Variants in BRWD1 observed in about 807,000 individuals in gnomAD.
BRWD1 encodes bromodomain and WD repeat-containing protein 1.
In BRWD1, 82 loss-of-function variants were observed where a neutral mutation model predicts 251.2. That is an observed-to-expected ratio of 0.33 (90% CI 0.27 to 0.39). The LOEUF is 0.39. BRWD1 is among the 10% of genes least tolerant of loss of function. The probability of loss-of-function intolerance (pLI) is 1.00; values close to 1 mark genes in which losing one functional copy is unlikely to be tolerated. For synonymous variants in BRWD1, 918 were observed against 902.8 expected, an observed-to-expected ratio of 1.02 and a Z score of -0.30; for missense variants, 2,233 against 2,711.6, an observed-to-expected ratio of 0.82 and a Z score of 3.92.
chr21:39,196,906 C>T lies in BRWD1; in HGVS notation c.6163G>A (p.Asp2055Asn), dbSNP rs1441057369. The T allele has an allele frequency of 6.2e-7, 1 of 1,613,828 alleles. No homozygotes were observed. Reference sequence around the variant, plus strand: ...CTCCCTGGAATATGACTTTTTGAATCTTCTCCTGAAGATGTAACAGAGGAA... The same window carrying T: ...CTCCCTGGAATATGACTTTTTGAATTTTCTCCTGAAGATGTAACAGAGGAA... Reference protein sequence around the residue: ...KSSSVTSSGEDSKSHIPGSET... With the variant: ...KSSSVTSSGENSKSHIPGSET... Residue 2055 changes from aspartate (D) to asparagine (N), a missense_variant, in exon 41 of 41, where the codon GAT becomes AAT. Coordinates refer to ENST00000342449, the MANE Select transcript of BRWD1 (RefSeq NM_033656.4).
At chr21:39,215,061 G>A (rs1003514099) in intron 32 of BRWD1, among the ~76,000 whole-genome samples, 176 bp downstream of exon 32, 1 of 7,398 alleles carries the variant, frequency 1.4e-4, no homozygotes, top group Non-Finnish European at 2.3e-4. Context: ...AGTAGAGCCG[G>A]GGTTTCACCA....
At chr21:39,245,964 T>C (rs1289176791) in intron 21 of BRWD1, among the ~76,000 whole-genome samples, 3 of 151,998 alleles carry the variant, frequency 2.0e-5, no homozygotes, top group South Asian at 2.1e-4. Context: ...TGAAGACAAA[T>C]AGCTTACATA....
Position 39,187,414 on chromosome 21 carries a change from A to G in BRWD1, c.*8845T>C. The G allele has an allele frequency of 6.5e-7, 1 of 1,545,604 alleles. No homozygotes were observed. Among genetic ancestry groups the G allele is most frequent in the Non-Finnish European group, 8.7e-7 (1 of 1,149,544 alleles). ...ATTGGGTTCTCTGTCTCTAGGAACAAATTCTGAAAAATGAGTGAAAGTTCA... is the reference window on the plus strand; with the variant it reads ...ATTGGGTTCTCTGTCTCTAGGAACAGATTCTGAAAAATGAGTGAAAGTTCA... On this transcript the variant is annotated 3_prime_UTR_variant, in exon 41 of 41. Coordinates refer to ENST00000342449, the MANE Select transcript of BRWD1 (RefSeq NM_033656.4).
chr21:39,228,634 G>C, intron 26 of BRWD1, 52 bp from the exon 27 acceptor site: 1 of 1,038,028 alleles, frequency 9.6e-7, no homozygotes, highest in Non-Finnish European at 1.5e-6. Flanking sequence ...AGGTTATATA[G>C]TCTAAAAGCA....
chr21:39,208,560 A>G (rs1204587116), intron 36 of BRWD1, among the ~76,000 whole-genome samples: 2 of 152,212 alleles, frequency 1.3e-5, no homozygotes, highest in African/African-American at 4.8e-5. Flanking sequence ...ACAATTATTC[A>G]ACACATGAGC....
intron 20 of BRWD1, among the ~76,000 whole-genome samples, chr21:39,249,578 A>G (rs182241961): frequency 6.6e-6 from 1 of 152,314 alleles, no homozygotes; most frequent in African/African-American, 2.4e-5. Flanking sequence ...AGATTACCCA[A>G]TGAGAGCACA....
chr21:39,195,733 C>A lies in BRWD1; in HGVS notation c.*526G>T, dbSNP rs1470968463. On this transcript the variant is annotated 3_prime_UTR_variant, in exon 41 of 41. Transcript: ENST00000342449. ...GGTATAATGCATTCTACTCAAGTAG[C>A]CAGGGGAAGAAAAAAAAAAAAGTGG... The A allele has an allele frequency of 5.2e-6, 5 of 953,152 alleles. No homozygotes were observed. In the African/African-American group the frequency reaches 6.3e-5, roughly 12 times the overall value. 59.0% of individuals were successfully genotyped at this position (953,152 alleles called of 1,614,324 possible).
intron 15 of BRWD1, 49 bp downstream of exon 15, chr21:39,269,850 T>A (rs372497925): frequency 3.6e-6 from 5 of 1,394,272 alleles, no homozygotes; most frequent in South Asian, 1.9e-5. Context: ...ACCCAAATAC[T>A]CTAAACAAAT....
intron 8 of BRWD1, among the ~76,000 whole-genome samples, chr21:39,285,166 G>A (rs1375832950): frequency 2.6e-5 from 4 of 152,142 alleles, no homozygotes; most frequent in Non-Finnish European, 5.9e-5. Context: ...ATATTCTTCC[G>A]TCGTTTGTGG....
Position 39,187,485 on chromosome 21 carries a change from A to T in BRWD1, c.*8774T>A. On this transcript the variant is annotated 3_prime_UTR_variant, in exon 41 of 41. Coordinates refer to ENST00000342449, the MANE Select transcript of BRWD1 (RefSeq NM_033656.4). ...AACACAAGATTTTACTACTGCTAAC[A>T]TTCCTCAACAACACTCATTCGGAAA... is the stretch of plus-strand genomic sequence containing the variant. 1 of 1,488,982 alleles carries T rather than the reference A, an allele frequency of 6.7e-7. No homozygotes were observed. The highest frequency in any genetic ancestry group is 1.4e-5 in the African/African-American group (1 of 71,212). The allele number at this position is 1,488,982 out of a possible 1,614,324, so 92.2% of individuals were successfully genotyped here.
chr21:39,237,128 T>C (rs73357891), intron 22 of BRWD1, among the ~76,000 whole-genome samples: 2,898 of 152,110 alleles, frequency 0.019, 86 homozygotes, highest in African/African-American at 0.066. Flanking sequence ...AACATAAGAA[T>C]CATACAAAAC....
chr21:39,214,441 C>T (rs2032796925), intron 32 of BRWD1, among the ~76,000 whole-genome samples: 1 of 151,858 alleles, frequency 6.6e-6, no homozygotes, highest in Non-Finnish European at 1.5e-5. Context: ...CATAACTATA[C>T]TCTATAAAAT....
chr21:39,273,044 A>G (rs1254171727), intron 13 of BRWD1, among the ~76,000 whole-genome samples: 1 of 152,266 alleles, frequency 6.6e-6, no homozygotes, highest in Non-Finnish European at 1.5e-5. Flanking sequence ...AAGATTTGAA[A>G]GCAAGAAAAC....
At chr21:39,240,489 G>C (rs1356359143) in intron 21 of BRWD1, among the ~76,000 whole-genome samples, 2 of 152,170 alleles carry the variant, frequency 1.3e-5, no homozygotes, top group Admixed American at 1.3e-4. Context: ...GCAAGACCCT[G>C]TCCCTAAGAA....
Position 39,194,707 on chromosome 21 carries a change from C to T in BRWD1, c.*1552G>A, listed in dbSNP as rs2031721288. ...TAACATTAATACCAGTCTGATGCTTCGCCTTGTCTGCCACTTCAAAGATAC... is the reference window on the plus strand; with the variant it reads ...TAACATTAATACCAGTCTGATGCTTTGCCTTGTCTGCCACTTCAAAGATAC... On this transcript the variant is annotated 3_prime_UTR_variant, in exon 41 of 41. Transcript: ENST00000342449. The T allele has an allele frequency of 5.2e-6, 8 of 1,534,980 alleles. No homozygotes were observed. The highest frequency in any genetic ancestry group is 1.2e-5 in the South Asian group (1 of 84,024).
At chr21:39,278,942 C>A in intron 9 of BRWD1, 129 bp from the exon 10 acceptor site, 1 of 670,226 alleles carries the variant, frequency 1.5e-6, no homozygotes, top group Non-Finnish European at 2.2e-6. Flanking sequence ...GCCATGTTGC[C>A]CACACTAGAC....
rs369766127 is a variant in BRWD1 at position 39,298,367 on chromosome 21, C to T, written c.349+65G>A. 6 of 1,437,962 alleles carry T rather than the reference C, an allele frequency of 4.2e-6. No individual in the cohort carries two copies. In the African/African-American group the frequency reaches 8.7e-5, roughly 21 times the overall value. The allele number at this position is 1,437,962 out of a possible 1,614,324, so 89.1% of individuals were successfully genotyped here. A position where few individuals can be genotyped will look rare whatever the true frequency, so the allele number is the denominator to read the frequency against. On this transcript the variant is annotated intron_variant, in intron 5 of 40. Transcript: ENST00000342449. ...CCTTTCTTCCACAATGCTTACATTA[C>T]TTCACAATTATAATAATTATTAGGC...
At chr21:39,298,898 C>T (rs1355635360) in intron 4 of BRWD1, among the ~76,000 whole-genome samples, 1 of 152,096 alleles carries the variant, frequency 6.6e-6, no homozygotes, top group African/African-American at 2.4e-5. Flanking sequence ...AAAACTTAAT[C>T]TCAAGACTTG....
chr21:39,228,450 A>T, intron 27 of BRWD1, 50 bp downstream of exon 27: 1 of 1,302,512 alleles, frequency 7.7e-7, no homozygotes. Context: ...TAGACCAATA[A>T]AACAGATTAA....
Sources: allele counts gnomAD v4.1 joint callset (sites outside exome capture counted in the v4.1 genomes callset), GRCh38; gene constraint gnomAD v4.1.1; transcripts MANE v1.5; gene names NCBI Gene and HGNC (gene_info 2026-07-23, HGNC 2026-07-21).